PSD3: variants seen among roughly 807,000 people sequenced by gnomAD.
PSD3 encodes the protein PH and SEC7 domain-containing protein 3.
In PSD3, 49 loss-of-function variants were observed where a neutral mutation model predicts 105.5. The observed-to-expected ratio is 0.46, with a 90% CI of 0.37 to 0.59. The LOEUF (loss-of-function observed/expected upper bound fraction) is 0.59. Among genes scored for constraint, PSD3 ranks in the 20% least tolerant of loss-of-function variants. The probability of loss-of-function intolerance (pLI) is 0.00; values close to 1 mark genes in which losing one functional copy is unlikely to be tolerated. For synonymous variants in PSD3, 557 were observed against 457.8 expected (o/e 1.22, Z -2.77); for missense variants, 1,561 against 1,263.8 (o/e 1.24, Z -3.57).
rs528783952 is a variant in PSD3 at position 18,934,895 on chromosome 8, A to G, written c.130+1139T>C. On this transcript the variant is annotated intron_variant, in intron 2 of 15. Transcript: ENST00000327040. ...ATAAAATTACACGTTTTGAAATTCA[A>G]TACAAAGCTATTTGCATTTTTATCT... Among the ~76,000 whole-genome samples, 52 of 152,340 alleles carry G rather than the reference A, an allele frequency of 3.4e-4. 1 individual carries two copies. Among genetic ancestry groups the G allele is most frequent in the Admixed American group, 9.2e-4 (14 of 15,298 alleles).
At chr8:18,673,047 A>G (rs1446536845) in intron 9 of PSD3, among the ~76,000 whole-genome samples, 1 of 152,244 alleles carries the variant, frequency 6.6e-6, no homozygotes, top group African/African-American at 2.4e-5. Context: ...TGTAATACAA[A>G]TAATCTTTTA....
intron 4 of PSD3, among the ~76,000 whole-genome samples, chr8:18,863,646 T>TTA (rs1816618474): frequency 2.6e-5 from 4 of 152,310 alleles, no homozygotes; most frequent in Admixed American, 2.6e-4. Flanking sequence ...GACAATCTAA[T>TTA]AGTCCATCCA....
At chr8:18,668,750 T>G (rs1194573472) in intron 9 of PSD3, among the ~76,000 whole-genome samples, 1 of 152,226 alleles carries the variant, frequency 6.6e-6, no homozygotes, top group Non-Finnish European at 1.5e-5. Context: ...TTATGTGTAT[T>G]GTTCACATAC....
intron 11 of PSD3, among the ~76,000 whole-genome samples, chr8:18,625,949 A>G (rs1806443153): frequency 6.6e-6 from 1 of 152,018 alleles, no homozygotes; most frequent in African/African-American, 2.4e-5. Flanking sequence ...CTTGATTTCC[A>G]CAAGTATGTT....
chr8:18,675,904 G>C (rs1800039710), intron 9 of PSD3, among the ~76,000 whole-genome samples: 1 of 152,030 alleles, frequency 6.6e-6, no homozygotes, highest in Non-Finnish European at 1.5e-5. Context: ...TCTCCTATTA[G>C]ACTCTAAGCT....
chr8:18,922,294 A>G (rs1479303844), intron 2 of PSD3, among the ~76,000 whole-genome samples: 1 of 152,174 alleles, frequency 6.6e-6, no homozygotes, highest in Non-Finnish European at 1.5e-5. Flanking sequence ...CAAGCTCTCC[A>G]ATATAAAACT....
At chr8:19,060,141 C>G (rs542064771) in intron 1 of PSD3, among the ~76,000 whole-genome samples, 1 of 152,202 alleles carries the variant, frequency 6.6e-6, no homozygotes, top group Non-Finnish European at 1.5e-5. Context: ...TCTTCCTCAC[C>G]TGTGAATAAC....
intron 1 of PSD3, among the ~76,000 whole-genome samples, chr8:19,074,753 T>C (rs2129478101): frequency 6.7e-6 from 1 of 150,028 alleles, no homozygotes; most frequent in Non-Finnish European, 1.5e-5. Context: ...CCCGAGTAGC[T>C]GGGACTACAA....
chr8:18,648,788 C>CT (rs1563419876), intron 10 of PSD3, among the ~76,000 whole-genome samples: 1 of 152,208 alleles, frequency 6.6e-6, no homozygotes, highest in Non-Finnish European at 1.5e-5. Context: ...TTTCACTGCC[C>CT]TATACTGCTC....
At chr8:18,903,570 T>C (rs925348675) in intron 2 of PSD3, among the ~76,000 whole-genome samples, 2 of 152,124 alleles carry the variant, frequency 1.3e-5, no homozygotes, top group African/African-American at 2.4e-5. Flanking sequence ...TAGGCCAGTG[T>C]GTCTCAGCTA....
At chr8:19,060,382 T>C (rs1828855537) in intron 1 of PSD3, among the ~76,000 whole-genome samples, 1 of 152,224 alleles carries the variant, frequency 6.6e-6, no homozygotes, top group Non-Finnish European at 1.5e-5. Context: ...CTTATATCTG[T>C]AACCACAGAG....
At position 18,556,148 on chromosome 8, in the gene PSD3, CA is replaced by C. The variant is rs1210350782; in HGVS notation, c.2928+60del. On this transcript the variant is annotated intron_variant, in intron 15 of 15. Coordinates refer to ENST00000327040, the MANE Select transcript of PSD3 (RefSeq NM_015310.4). ...GACACTGCAAAGAAAGATACCGCCT[CA>C]TGGACAGATCATAAGAAAACTCAGA... 21 of 1,583,926 alleles carry C rather than the reference CA, an allele frequency of 1.3e-5. No homozygotes were observed. In the African/African-American group the frequency reaches 2.6e-4, roughly 19 times the overall value.
chr8:18,579,920 G>C (rs1367037237), intron 12 of PSD3, among the ~76,000 whole-genome samples: 2 of 152,142 alleles, frequency 1.3e-5, no homozygotes, highest in Non-Finnish European at 2.9e-5. Flanking sequence ...TTTCCACTGA[G>C]AGAATATAAA....
chr8:18,678,089 TG>T (rs1310133137), intron 9 of PSD3, among the ~76,000 whole-genome samples: 1 of 151,194 alleles, frequency 6.6e-6, no homozygotes, highest in African/African-American at 2.4e-5. Context: ...TAATACCTGG[TG>T]AAAAAGTATA....
intron 1 of PSD3, among the ~76,000 whole-genome samples, chr8:19,033,200 A>G (rs1433878061): frequency 6.6e-6 from 1 of 152,204 alleles, no homozygotes; most frequent in Non-Finnish European, 1.5e-5. Context: ...TGTGATTTTT[A>G]AAAAGTTATT....
chr8:18,611,087 T>C (rs1212835262), intron 11 of PSD3, among the ~76,000 whole-genome samples: 1 of 152,094 alleles, frequency 6.6e-6, no homozygotes, highest in East Asian at 1.9e-4. Flanking sequence ...TAATTTAACA[T>C]GATAAACTGT....
At chr8:18,647,968 G>A (rs1041217329) in intron 10 of PSD3, among the ~76,000 whole-genome samples, 1 of 152,156 alleles carries the variant, frequency 6.6e-6, no homozygotes, top group Non-Finnish European at 1.5e-5. Context: ...GGCCTCCCCA[G>A]AAGCTGAGCA....
intron 9 of PSD3, among the ~76,000 whole-genome samples, chr8:18,709,513 G>A (rs561642389): frequency 8.5e-5 from 13 of 152,360 alleles, no homozygotes; most frequent in African/African-American, 3.1e-4. Context: ...TTCTTCAAGA[G>A]GGTCCCTGAT....
At chr8:18,915,669 C>T (rs1820534101) in intron 2 of PSD3, among the ~76,000 whole-genome samples, 1 of 152,068 alleles carries the variant, frequency 6.6e-6, no homozygotes, top group South Asian at 2.1e-4. Context: ...AAATGAAAAC[C>T]ACGATAAGGT....
Sources: gnomAD v4.1 joint callset for allele counts (sites outside exome capture counted in the v4.1 genomes callset) on GRCh38, gnomAD v4.1.1 for gene constraint, MANE v1.5 for transcripts, NCBI Gene and HGNC (gene_info 2026-07-23, HGNC 2026-07-21) for gene names.